Variants in VILL observed in about 807,000 individuals in gnomAD.
The protein encoded by VILL is villin-like protein.
VILL carries 102 observed loss-of-function variants against 106.3 expected under a neutral mutation model. That is an observed-to-expected ratio of 0.96 (90% CI 0.82 to 1.13). The LOEUF is 1.13. VILL is among the 50% of genes most tolerant of loss of function. VILL has a pLI of 0.00. For missense variants in VILL, 1,076 were observed against 1,116.6 expected, an observed-to-expected ratio of 0.96 and a Z score of 0.52; for synonymous variants, 431 against 440.3, an observed-to-expected ratio of 0.98 and a Z score of 0.27.
In VILL at chr3:37,994,425, C is replaced by A; in HGVS notation, c.300C>A (p.His100Gln). Residue 100 changes from histidine (H) to glutamine (Q), a missense_variant, in exon 4 of 20, where the codon CAC becomes CAA. Coordinates refer to ENST00000383759, the MANE Select transcript of VILL (RefSeq NM_015873.4). ...TGCTGCACCGCGAGGCGCAGGGCCA[C>A]GAGTCCGACTGCTTCTGCAGCTACT... ...QTVLHREAQG[H>Q]ESDCFCSYFR... The A allele has an allele frequency of 6.2e-7, 1 of 1,612,736 alleles. No homozygotes were observed. The highest frequency in any genetic ancestry group is 1.7e-5 in the Admixed American group (1 of 59,978).
chr3:38,003,109 G>C, intron 14 of VILL, 59 bp from the exon 15 acceptor site: 1 of 1,586,646 alleles, frequency 6.3e-7, no homozygotes, highest in South Asian at 1.2e-5. Context: ...AACGGGACGT[G>C]GGGCCGGAGG....
At chr3:38,002,975 C>T in intron 14 of VILL, 193 bp from the exon 15 acceptor site, 1 of 720,748 alleles carries the variant, frequency 1.4e-6, no homozygotes, top group Non-Finnish European at 2.2e-6. Context: ...GTCCCAGACC[C>T]TGCGATCCAG....
chr3:38,005,691 T>C (rs1004668860), intron 16 of VILL, 101 bp from the exon 17 acceptor site: 7 of 1,323,026 alleles, frequency 5.3e-6, no homozygotes, highest in Non-Finnish European at 7.2e-6. Context: ...GATGTGTATG[T>C]GGGGTTCTGT....
rs770448156 is a variant in VILL at position 37,997,606 on chromosome 3, C to T, written c.685C>T (p.Arg229Cys). The T allele has an allele frequency of 1.4e-5, 23 of 1,613,424 alleles. No individual in the cohort carries two copies. Among genetic ancestry groups the T allele is most frequent in the African/African-American group, 2.7e-5 (2 of 74,882 alleles). Residue 229 changes from arginine (R) to cysteine (C), a missense_variant, in exon 7 of 20, where the codon CGC becomes TGC. Arg to Cys is a radical substitution (Grantham distance 180). Transcript: ENST00000383759. This position sits in a 1 kb window ranked among gnomAD's most constrained non-coding sequence, Gnocchi z 4.7. The stretch of plus-strand genomic sequence containing the variant: ...GCAGATCATGGAGGCTGTGCTGGGC[C>T]GCAGGGTGGGCAGCCTGCGTGCCGC... ...LMQIMEAVLG[R>C]RVGSLRAATP... is the part of the protein sequence containing the mutation.
At chr3:37,996,602 G>A (rs1699706024) in intron 5 of VILL, among the ~76,000 whole-genome samples, 1 of 152,186 alleles carries the variant, frequency 6.6e-6, no homozygotes, top group Non-Finnish European at 1.5e-5. Context: ...GGCTCTGCAT[G>A]TCACCCACAG....
chr3:37,988,576 A>G (rs1262659664), upstream of VILL, among the ~76,000 whole-genome samples: 2 of 152,206 alleles, frequency 1.3e-5, no homozygotes, highest in Non-Finnish European at 2.9e-5. Flanking sequence ...TTAAAAGTGG[A>G]TACAGGCCGG....
At position 37,994,313 on chromosome 3, in the gene VILL, G is replaced by A; in HGVS notation, c.188G>A (p.Trp63Ter). ...TQGASSDLHYWVGKQAGAEAQ... is the reference protein window; with the variant it reads ...TQGASSDLHY ...GGGGCGTCCAGCGACCTGCACTACT[G>A]GGTCGGGAAGCAGGCGGGTGCGGAA... Residue 63 changes from tryptophan (W) to a stop codon, truncating the protein, a stop_gained, in exon 4 of 20, where the codon TGG (tryptophan) becomes TAG (stop). Transcript: ENST00000383759. LOFTEE classifies it high-confidence loss of function. 6.2e-7 allele frequency: 1 copy of A among 1,612,032 alleles called. No homozygotes were observed. Among genetic ancestry groups the A allele is most frequent in the Non-Finnish European group, 8.5e-7 (1 of 1,179,874 alleles).
Position 37,998,170 on chromosome 3 carries a change from T to C in VILL, c.843+2T>C. On this transcript the variant is annotated splice_donor_variant, in intron 8 of 19. Coordinates refer to ENST00000383759, the MANE Select transcript of VILL (RefSeq NM_015873.4). LOFTEE classifies it high-confidence loss of function. The surrounding 1 kb of genome is among the most constrained non-coding windows in gnomAD (Gnocchi z 4.1). ...ACCCAGGACCTGCTGCAGGAGGAGG[T>C]GAGGAAGGCCTGGCCCCAGCTACTT... The C allele has an allele frequency of 3.1e-6, 5 of 1,613,552 alleles. No homozygotes were observed. Among genetic ancestry groups the C allele is most frequent in the Non-Finnish European group, 2.5e-6 (3 of 1,179,832 alleles).
chr3:37,988,089 C>G (rs1699570871), upstream of VILL: 1 of 152,300 alleles, frequency 6.6e-6, no homozygotes, highest in African/African-American at 2.4e-5. Context: ...GTGGGGCTGC[C>G]ATTTTGGCTG....
At chr3:38,001,321 G>A (rs1345958655) in intron 11 of VILL, 135 bp from the exon 12 acceptor site, 1 of 1,328,468 alleles carries the variant, frequency 7.5e-7, no homozygotes, top group Non-Finnish European at 1.0e-6. Flanking sequence ...TGGGCCTGGA[G>A]CTGAGGGTGG....
In VILL at chr3:38,006,306, G is replaced by T. The variant is rs1699922209; in HGVS notation, c.2205+54G>T. The T allele has an allele frequency of 3.7e-6, 6 of 1,612,872 alleles. No individual in the cohort carries two copies. In the Admixed American group the frequency reaches 1.0e-4, roughly 27 times the overall value. On this transcript the variant is annotated intron_variant, in intron 18 of 19. Coordinates refer to ENST00000383759, the MANE Select transcript of VILL (RefSeq NM_015873.4). ...ACAGTGGCCTGGGCTCCGACAGCAT[G>T]GTCCTGATGGGCAGGGGAAGTGCCA...
chr3:37,994,458 G>A lies in VILL; in HGVS notation c.333G>A (p.Pro111=). The A allele has an allele frequency of 2.5e-6, 4 of 1,612,284 alleles. No homozygotes were observed. Among genetic ancestry groups the A allele is most frequent in the Non-Finnish European group, 3.4e-6 (4 of 1,179,770 alleles). Residue 111 remains proline (P), a synonymous_variant, in exon 4 of 20, where the codon CCG becomes CCA. Transcript: ENST00000383759. ...ACTGCTTCTGCAGCTACTTCCGCCCGGGAATCATGTGAGTGCGGGGGCGAC... is the reference window on the plus strand; with the variant it reads ...ACTGCTTCTGCAGCTACTTCCGCCCAGGAATCATGTGAGTGCGGGGGCGAC... ...ESDCFCSYFR[P]GIIYRKGGLA... is the part of the protein sequence containing the mutation.
chr3:38,006,767 A>C, intron 19 of VILL, 67 bp downstream of exon 19: 1 of 1,549,178 alleles, frequency 6.5e-7, no homozygotes, highest in Non-Finnish European at 8.7e-7. Context: ...CCAAGGCAGG[A>C]TCCACTGGTG....
intron 1 of VILL, among the ~76,000 whole-genome samples, chr3:37,992,535 G>C (rs1699625231): frequency 6.6e-6 from 1 of 152,142 alleles, no homozygotes; most frequent in Non-Finnish European, 1.5e-5. Context: ...GTACCTGCTG[G>C]GGGCCGGGCA....
At position 37,998,490 on chromosome 3, in the gene VILL, A is replaced by G. The variant is rs1402234597; in HGVS notation, c.942+126A>G. On this transcript the variant is annotated intron_variant, in intron 9 of 19. Coordinates refer to ENST00000383759, the MANE Select transcript of VILL (RefSeq NM_015873.4). This position sits in a 1 kb window ranked among gnomAD's most constrained non-coding sequence, Gnocchi z 4.1. ...CCTAGAGTTTGAGTTGGGAAATCCTATGCTGGAGTCTTAAAGGGGAGGTAG... is the reference window on the plus strand; with the variant it reads ...CCTAGAGTTTGAGTTGGGAAATCCTGTGCTGGAGTCTTAAAGGGGAGGTAG... The G allele has an allele frequency of 7.0e-6, 6 of 853,872 alleles. No individual in the cohort carries two copies. Among genetic ancestry groups the G allele is most frequent in the Admixed American group, 5.1e-5 (2 of 39,462 alleles). 52.9% of individuals were successfully genotyped at this position (853,872 alleles called of 1,614,324 possible). A position where few individuals can be genotyped will look rare whatever the true frequency, so the allele number is the denominator to read the frequency against.
intron 1 of VILL, among the ~76,000 whole-genome samples, chr3:37,992,832 G>A (rs1357339460): frequency 1.3e-5 from 2 of 152,190 alleles, no homozygotes; most frequent in Admixed American, 6.5e-5. Flanking sequence ...TGACAAAGGT[G>A]TAAGGAATGT....
In VILL at chr3:37,997,125, G is replaced by A; in HGVS notation, c.499G>A (p.Asp167Asn). ...SFNKGDIFLL[D>N]LGKMMIQWNG... Reference sequence around the variant, plus strand: ...TAATAAGGGTGACATCTTCCTGCTGGACCTAGGCAAGATGATGATTCAGTG... The same window carrying A: ...TAATAAGGGTGACATCTTCCTGCTGAACCTAGGCAAGATGATGATTCAGTG... The change falls in exon 6 of 20, where the codon GAC becomes AAC. Residue 167 changes from aspartate to asparagine, a missense_variant. Asp to Asn is a conservative substitution (Grantham distance 23). Coordinates refer to ENST00000383759, the MANE Select transcript of VILL (RefSeq NM_015873.4). The surrounding 1 kb of genome is among the most constrained non-coding windows in gnomAD (Gnocchi z 4.7). 6.2e-7 allele frequency: 1 copy of A among 1,614,082 alleles called. No homozygotes were observed. Among genetic ancestry groups the A allele is most frequent in the Non-Finnish European group, 8.5e-7 (1 of 1,180,014 alleles).
intron 11 of VILL, chr3:38,000,883 A>G (rs769693920): frequency 1.3e-5 from 6 of 456,720 alleles, no homozygotes; most frequent in Admixed American, 9.4e-5. Context: ...TACAGGTGGG[A>G]AAGGCCCGAA....
At chr3:38,001,909 G>A (rs1247530152) in intron 13 of VILL, 49 bp downstream of exon 13, 3 of 1,612,942 alleles carry the variant, frequency 1.9e-6, no homozygotes, top group Non-Finnish European at 2.5e-6. Context: ...GTTCTGCATG[G>A]GCCATGGCCC....
Sources: gnomAD v4.1 joint callset for allele counts (sites outside exome capture counted in the v4.1 genomes callset) on GRCh38, gnomAD v4.1.1 for gene constraint, Gnocchi (gnomAD v3.1) non-coding constraint, MANE v1.5 for transcripts, NCBI Gene and HGNC (gene_info 2026-07-23, HGNC 2026-07-21) for gene names.